The following OR51A7 variants were observed in gnomAD, a reference collection of about 807,000 sequenced individuals.
OR51A7 encodes olfactory receptor family 51 subfamily A member 7.
For synonymous variants in OR51A7, 143 were observed against 135.5 expected (o/e 1.05, Z -0.38); for missense variants, 409 against 374.5 (o/e 1.09, Z -0.76).
Position 4,909,192 on chromosome 11 carries a change from A to T in OR51A7, c.*884A>T, listed in dbSNP as rs1020299795. On this transcript the variant is annotated 3_prime_UTR_variant, in exon 2 of 2. Coordinates refer to ENST00000641490, the MANE Select transcript of OR51A7 (RefSeq NM_001004749.2). The stretch of plus-strand genomic sequence containing the variant: ...GTTCTTAAAAATTGATTCCTGCAGG[A>T]CACGACATTTGGTACCACAATAATT... 6.6e-6 allele frequency: 1 copy of T among 152,112 alleles called. No individual in the cohort carries two copies. Among genetic ancestry groups the T allele is most frequent in the African/African-American group, 2.4e-5 (1 of 41,424 alleles). The allele number at this position is 152,112 out of a possible 1,614,324, so 9.4% of individuals were successfully genotyped here.
chr11:4,904,608 C>G (rs1441297904), intron 1 of OR51A7, among the ~76,000 whole-genome samples: 2 of 152,100 alleles, frequency 1.3e-5, no homozygotes, highest in African/African-American at 4.8e-5. Context: ...TACCACCTAT[C>G]ATGTCAGTAC....
rs112673945 is a variant in OR51A7 at position 4,905,347 on chromosome 11, G to A, written c.-32+1503G>A. 6.4e-3 allele frequency among the ~76,000 whole-genome samples: 973 copies of A among 152,232 alleles called. 4 individuals are homozygous for A. The highest frequency in any genetic ancestry group is 0.011 in the Admixed American group (171 of 15,282). On this transcript the variant is annotated intron_variant, in intron 1 of 1. Coordinates refer to ENST00000641490, the MANE Select transcript of OR51A7 (RefSeq NM_001004749.2). ...GAAGATGCAGAGCTATTCACAAGTT[G>A]CCAAAATGTCTCTTAGTACCTAGCA...
chr11:4,906,571 T>C (rs1850892408), intron 1 of OR51A7, among the ~76,000 whole-genome samples: 1 of 152,228 alleles, frequency 6.6e-6, no homozygotes, highest in African/African-American at 2.4e-5. Context: ...ATTTACTTTA[T>C]AGCATCTAAT....
intron 1 of OR51A7, among the ~76,000 whole-genome samples, chr11:4,905,759 A>C (rs1019066663): frequency 4.6e-5 from 7 of 152,152 alleles, no homozygotes; most frequent in Non-Finnish European, 7.4e-5. Context: ...TTTCTCTGAC[A>C]GTTTTACCAA....
At position 4,908,385 on chromosome 11, in the gene OR51A7, A is replaced by G; in HGVS notation, c.*77A>G. ...TTTGCTATGTGCTTAATGCCATAGAAGTCACTAATGAAGGACTGGATGATG... is the reference window on the plus strand; with the variant it reads ...TTTGCTATGTGCTTAATGCCATAGAGGTCACTAATGAAGGACTGGATGATG... On this transcript the variant is annotated 3_prime_UTR_variant, in exon 2 of 2. Transcript: ENST00000641490. The G allele has an allele frequency of 8.2e-7, 1 of 1,215,220 alleles. No individual in the cohort carries two copies. Among genetic ancestry groups the G allele is most frequent in the Non-Finnish European group, 1.2e-6 (1 of 828,492 alleles). 75.3% of individuals were successfully genotyped at this position (1,215,220 alleles called of 1,614,324 possible).
intron 1 of OR51A7, among the ~76,000 whole-genome samples, chr11:4,904,583 C>T (rs1850854864): frequency 6.6e-6 from 1 of 152,046 alleles, no homozygotes; most frequent in Non-Finnish European, 1.5e-5. Context: ...ATTTCATTTA[C>T]TCTTTGGTTT....
At chr11:4,907,133 A>T (rs985117928) in intron 1 of OR51A7, among the ~76,000 whole-genome samples, 3 of 150,608 alleles carry the variant, frequency 2.0e-5, no homozygotes, top group African/African-American at 7.4e-5. Context: ...AATCCTAAAA[A>T]GTCACCAACT....
Position 4,908,558 on chromosome 11 carries a change from C to A in OR51A7, c.*250C>A. Reference sequence around the variant, plus strand: ...GAAGGAAAATACTTCTGTGATGGAGCAGCTGGATTTGAGTCAACCCATAAA... The same window carrying A: ...GAAGGAAAATACTTCTGTGATGGAGAAGCTGGATTTGAGTCAACCCATAAA... On this transcript the variant is annotated 3_prime_UTR_variant, in exon 2 of 2. Transcript: ENST00000641490. 2 of 513,310 alleles carry A rather than the reference C, an allele frequency of 3.9e-6. No individual in the cohort carries two copies. The highest frequency in any genetic ancestry group is 7.0e-5 in the East Asian group (2 of 28,542). The allele number at this position is 513,310 out of a possible 1,614,324, so 31.8% of individuals were successfully genotyped here.
chr11:4,908,758 A>G lies in OR51A7; in HGVS notation c.*450A>G, dbSNP rs1368831. 19,845 of 163,530 alleles carry G rather than the reference A, an allele frequency of 0.12. 1,844 individuals carry two copies. The highest frequency in any genetic ancestry group is 0.56 in the East Asian group (3,157 of 5,686). 10.1% of individuals were successfully genotyped at this position (163,530 alleles called of 1,614,324 possible). A position where few individuals can be genotyped will look rare whatever the true frequency, so the allele number is the denominator to read the frequency against. On this transcript the variant is annotated 3_prime_UTR_variant, in exon 2 of 2. Transcript: ENST00000641490. ...TAACAGATAGCAAGTGATATTTTGGATAAAATAAGTGAACCAGATTTTGGA... is the reference window on the plus strand; with the variant it reads ...TAACAGATAGCAAGTGATATTTTGGGTAAAATAAGTGAACCAGATTTTGGA...
chr11:4,907,325 T>G lies in OR51A7; in HGVS notation c.-31-14T>G. 7.5e-7 allele frequency: 1 copy of G among 1,330,240 alleles called. No homozygotes were observed. Among genetic ancestry groups the G allele is most frequent in the Non-Finnish European group, 1.1e-6 (1 of 941,162 alleles). The allele number at this position is 1,330,240 out of a possible 1,614,324, so 82.4% of individuals were successfully genotyped here. ...AACCAAAAGCATGACTGCTTTTCAT[T>G]TATATGGTTTCAGATCCGGCTAACG... On this transcript the variant is annotated splice_polypyrimidine_tract_variant and intron_variant, in intron 1 of 1. Coordinates refer to ENST00000641490, the MANE Select transcript of OR51A7 (RefSeq NM_001004749.2).
In OR51A7 at chr11:4,907,779, C is replaced by A. The variant is rs1850923196; in HGVS notation, c.410C>A (p.Thr137Asn). Reference protein sequence around the residue: ...HNPLRYSSILTSNRVAKMGLI... With the variant: ...HNPLRYSSILNSNRVAKMGLI... ...CCCTTAAGATACAGTTCTATCCTCA[C>A]TAGCAACAGGGTTGCTAAAATGGGA... The change falls in exon 2 of 2, where the codon ACT becomes AAT. Residue 137 changes from threonine to asparagine, a missense_variant. Physicochemically the swap from Thr to Asn is moderately conservative, Grantham distance 65. Transcript: ENST00000641490. The A allele has an allele frequency of 6.2e-7, 1 of 1,614,098 alleles. No homozygotes were observed. Among genetic ancestry groups the A allele is most frequent in the African/African-American group, 1.3e-5 (1 of 75,048 alleles).
chr11:4,905,699 A>T (rs1191000729), intron 1 of OR51A7, among the ~76,000 whole-genome samples: 1 of 152,170 alleles, frequency 6.6e-6, no homozygotes, highest in Non-Finnish European at 1.5e-5. Flanking sequence ...TTACTAAGGA[A>T]GCTTATTAAA....
At chr11:4,905,166 C>G (rs1850864537) in intron 1 of OR51A7, among the ~76,000 whole-genome samples, 1 of 152,068 alleles carries the variant, frequency 6.6e-6, no homozygotes, top group South Asian at 2.1e-4. Context: ...GCTAAGAAAA[C>G]ACAGTCCAGC....
intron 1 of OR51A7, among the ~76,000 whole-genome samples, chr11:4,906,095 G>T (rs755129995): frequency 3.9e-5 from 6 of 152,094 alleles, no homozygotes; most frequent in African/African-American, 1.4e-4. Context: ...AGCTTCAAAT[G>T]GTTTCTTGAA....
rs774175870 is a variant in OR51A7 at position 4,907,494 on chromosome 11, A to G, written c.125A>G (p.Asn42Ser). The G allele has an allele frequency of 4.3e-6, 7 of 1,613,916 alleles. No homozygotes were observed. Among genetic ancestry groups the G allele is most frequent in the Non-Finnish European group, 5.9e-6 (7 of 1,179,982 alleles). The change falls in exon 2 of 2, where the codon AAC (asparagine) becomes AGC (serine). Residue 42 changes from asparagine to serine, a missense_variant. Transcript: ENST00000641490. ...ATGTACCTGCTTGCCATCATGGGCA[A>G]CTGCACCATTCTCTTTATTATAAAG... ...CLMYLLAIMG[N>S]CTILFIIKTE...
At position 4,909,314 on chromosome 11, in the gene OR51A7, AG is replaced by A; in HGVS notation, c.*1012del. 6.6e-6 allele frequency: 1 copy of A among 152,264 alleles called. No homozygotes were observed. Among genetic ancestry groups the A allele is most frequent in the East Asian group, 1.9e-4 (1 of 5,182 alleles). The allele number at this position is 152,264 out of a possible 1,614,324, so 9.4% of individuals were successfully genotyped here. A position where few individuals can be genotyped will look rare whatever the true frequency, so the allele number is the denominator to read the frequency against. ...GTATACAGTTGAAAATACAATTTGA[AG>A]GGGGGCAAACAAGATTGATATGGCA... is the stretch of plus-strand genomic sequence containing the variant. On this transcript the variant is annotated 3_prime_UTR_variant, in exon 2 of 2. Transcript: ENST00000641490.
At position 4,908,131 on chromosome 11, in the gene OR51A7, C is replaced by G. The variant is rs760728485; in HGVS notation, c.762C>G (p.Ile254Met). Residue 254 changes from isoleucine (I) to methionine (M), a missense_variant, in exon 2 of 2, where the codon ATC becomes ATG. By Grantham distance (10) the Ile-to-Met change is conservative. Coordinates refer to ENST00000641490, the MANE Select transcript of OR51A7 (RefSeq NM_001004749.2). ...ICAVLTFYVPIITLAAMHHFA... is the reference protein window; with the variant it reads ...ICAVLTFYVPMITLAAMHHFA... ...CTGTGCTCACCTTCTATGTGCCCAT[C>G]ATCACCCTGGCTGCCATGCATCACT... 3.1e-6 allele frequency: 5 copies of G among 1,614,196 alleles called. No individual in the cohort carries two copies. The highest frequency in any genetic ancestry group is 3.3e-5 in the Admixed American group (2 of 60,024).
At chr11:4,903,926 G>A (rs1850842290) in intron 1 of OR51A7, 82 bp downstream of exon 1, 1 of 152,068 alleles carries the variant, frequency 6.6e-6, no homozygotes. Flanking sequence ...TACATGAAGA[G>A]TGAATATATT....
At chr11:4,905,294 C>T (rs1211634539) in intron 1 of OR51A7, among the ~76,000 whole-genome samples, 2 of 152,108 alleles carry the variant, frequency 1.3e-5, no homozygotes, top group Non-Finnish European at 2.9e-5. Context: ...GAGTCATGCT[C>T]AAACTGTTCA....
Sources: allele counts gnomAD v4.1 joint callset (sites outside exome capture counted in the v4.1 genomes callset), GRCh38; gene constraint gnomAD v4.1.1; transcripts MANE v1.5; gene names NCBI Gene and HGNC (gene_info 2026-07-23, HGNC 2026-07-21).